LRRIQ1: variants seen among roughly 807,000 people sequenced by gnomAD.
The protein encoded by LRRIQ1 is leucine rich repeats and IQ motif containing 1, also known as leucine-rich repeat- and IQ domain-containing protein 1.
LRRIQ1 carries 210 observed loss-of-function variants against 211.9 expected under a neutral mutation model. The ratio of observed to expected loss-of-function variants is 0.99; its 90% confidence interval spans 0.89 to 1.11. LRRIQ1 has a LOEUF of 1.11. LRRIQ1 is among the 50% of genes most tolerant of loss of function. LRRIQ1 has a pLI of 0.00. For synonymous variants in LRRIQ1, 699 were observed against 650.1 expected (o/e 1.08, Z -1.14); for missense variants, 2,136 against 1,939.5 (o/e 1.10, Z -1.90).
intron 10 of LRRIQ1, among the ~76,000 whole-genome samples, 176 bp from the exon 11 acceptor site, chr12:85,072,731 G>C (rs943818992): frequency 6.6e-6 from 1 of 150,472 alleles, no homozygotes; most frequent in East Asian, 2.0e-4. Context: ...TGCCTACCTG[G>C]CCATCTTTTT....
intron 18 of LRRIQ1, among the ~76,000 whole-genome samples, 160 bp from the exon 19 acceptor site, chr12:85,137,686 AATTT>A (rs544729553): frequency 2.2e-3 from 330 of 151,680 alleles, no homozygotes; most frequent in African/African-American, 7.5e-3. Flanking sequence ...GTCGTCGTTT[AATTT>A]ATCTTTCAGT....
intron 24 of LRRIQ1, among the ~76,000 whole-genome samples, chr12:85,199,396 T>A (rs1893180647): frequency 6.6e-6 from 1 of 151,678 alleles, no homozygotes; most frequent in Non-Finnish European, 1.5e-5. Context: ...TTTTGTTGAC[T>A]TTGTAGAGGT....
intron 26 of LRRIQ1, among the ~76,000 whole-genome samples, chr12:85,233,276 A>G (rs1396157530): frequency 2.0e-5 from 3 of 152,052 alleles, no homozygotes; most frequent in East Asian, 3.8e-4. Context: ...GCTAAAGTCA[A>G]TTGCACTATA....
Position 85,250,910 on chromosome 12 carries a change from AATATATTTTATATATTATATATT to A in LRRIQ1, c.121+6008_121+6030del, listed in dbSNP as rs1202063203. Among the ~76,000 whole-genome samples, 112 of 78,256 alleles carry A rather than the reference AATATATTTTATATATTATATATT, an allele frequency of 1.4e-3. 1 individual carries two copies. The highest frequency in any genetic ancestry group is 2.0e-3 in the Non-Finnish European group (100 of 48,972). The allele number at this position is 78,256 out of a possible 152,430, so 51.3% of individuals were successfully genotyped here. On this transcript the variant is annotated intron_variant, in intron 1 of 1. Coordinates refer to the LRRIQ1 transcript ENST00000602731. Reference sequence around the variant, plus strand: ...ATAATATATTTTATATATTATATATAATATATTTTATATATTATATATTATATATAATATATTTTATATATTAT... The same window carrying A: ...ATAATATATTTTATATATTATATATAATATATAATATATTTTATATATTAT...
At chr12:85,257,844 T>C (rs1896165015) in intron 1 of LRRIQ1, among the ~76,000 whole-genome samples, 1 of 151,844 alleles carries the variant, frequency 6.6e-6, no homozygotes. Context: ...GACTTTTTTT[T>C]TAGCACCACA....
In LRRIQ1 at chr12:85,262,901, AT is replaced by A. The variant is rs1473026803; in HGVS notation, c.122-13del. On this transcript the variant is annotated splice_polypyrimidine_tract_variant and intron_variant, in intron 1 of 1. Transcript: ENST00000602731. ...CATATTCAGTGAAAGTGTATATTTA[AT>A]ATCACTGTCTAGGTTGTTCAGTTAA... 8 of 966,594 alleles carry A rather than the reference AT, an allele frequency of 8.3e-6. No homozygotes were observed. The African/African-American group carries it at 1.4e-4, about 17-fold the overall frequency. 59.9% of individuals were successfully genotyped at this position (966,594 alleles called of 1,614,324 possible). A position where few individuals can be genotyped will look rare whatever the true frequency, so the allele number is the denominator to read the frequency against.
intron 15 of LRRIQ1, among the ~76,000 whole-genome samples, chr12:85,117,596 G>T (rs1195239351): frequency 2.6e-5 from 4 of 152,054 alleles, no homozygotes; most frequent in Non-Finnish European, 2.9e-5. Flanking sequence ...ACAAAAATCT[G>T]CTTGGCATCC....
At chr12:85,126,035 T>G (rs1421139035) in intron 17 of LRRIQ1, among the ~76,000 whole-genome samples, 3 of 152,166 alleles carry the variant, frequency 2.0e-5, no homozygotes, top group Admixed American at 2.0e-4. Context: ...TAAAGACACT[T>G]TTGACATTAT....
chr12:85,043,416 C>T (rs897190946), intron 3 of LRRIQ1, among the ~76,000 whole-genome samples: 1 of 152,056 alleles, frequency 6.6e-6, no homozygotes, highest in Non-Finnish European at 1.5e-5. Flanking sequence ...TAGCCTCTCT[C>T]TGTGGCTTTC....
chr12:85,131,377 G>A (rs574693955), intron 18 of LRRIQ1, among the ~76,000 whole-genome samples: 1 of 152,046 alleles, frequency 6.6e-6, no homozygotes, highest in East Asian at 1.9e-4. Flanking sequence ...CCACTGGCTT[G>A]TTTACTCTCA....
Position 85,055,820 on chromosome 12 carries a change from C to G in LRRIQ1, c.1027C>G (p.Gln343Glu), listed in dbSNP as rs1880959156. The change falls in exon 8 of 27, where the codon CAA (glutamine) becomes GAA (glutamate). Residue 343 changes from glutamine to glutamate, a missense_variant. Transcript: ENST00000393217. ...AAATCGAAAAAGATTAGAGGAGGAA[C>G]AAAGGATAAAAGAAGAGAGAAAAAA... ...EENRKRLEEE[Q>E]RIKEERKKQK... 6.4e-7 allele frequency: 1 copy of G among 1,557,290 alleles called. No homozygotes were observed. The highest frequency in any genetic ancestry group is 8.7e-7 in the Non-Finnish European group (1 of 1,151,336).
At chr12:85,192,584 A>C in intron 24 of LRRIQ1, among the ~76,000 whole-genome samples, 3 of 113,248 alleles carry the variant, frequency 2.6e-5, no homozygotes, top group African/African-American at 1.1e-4. Context: ...ATATATAGTT[A>C]TATACTATAA....
chr12:85,157,481 A>ATTTG (rs144030593), intron 23 of LRRIQ1, among the ~76,000 whole-genome samples: 1,757 of 151,814 alleles, frequency 0.012, 39 homozygotes, highest in African/African-American at 0.041. Context: ...TCTGGGTTTT[A>ATTTG]TTTGTTTGTT....
At chr12:85,138,037 A>G (rs1318642303) in intron 19 of LRRIQ1, 68 bp downstream of exon 19, 4 of 977,620 alleles carry the variant, frequency 4.1e-6, no homozygotes, top group Admixed American at 5.3e-5. Flanking sequence ...TTGAAGATAA[A>G]CCAGTTTCTA....
chr12:85,207,598 A>C (rs551545101), intron 24 of LRRIQ1, among the ~76,000 whole-genome samples: 1 of 152,168 alleles, frequency 6.6e-6, no homozygotes, highest in Non-Finnish European at 1.5e-5. Context: ...GTTATCACCA[A>C]ACCCAAGAAC....
intron 12 of LRRIQ1, 90 bp from the exon 13 acceptor site, chr12:85,098,777 G>A: frequency 3.2e-6 from 3 of 950,278 alleles, no homozygotes; most frequent in Non-Finnish European, 4.5e-6. Context: ...TCTATCTGTT[G>A]TTAGTTTTGG....
intron 26 of LRRIQ1, among the ~76,000 whole-genome samples, chr12:85,236,722 A>G (rs1593009324): frequency 6.6e-6 from 1 of 150,972 alleles, no homozygotes; most frequent in East Asian, 1.9e-4. Flanking sequence ...AAAAAAAGAT[A>G]CATATTTTTG....
At chr12:85,227,752 C>G (rs1380121238) in intron 24 of LRRIQ1, among the ~76,000 whole-genome samples, 1 of 152,086 alleles carries the variant, frequency 6.6e-6, no homozygotes, top group Non-Finnish European at 1.5e-5. Flanking sequence ...GGAGGCATCA[C>G]GCTACCTGAC....
chr12:85,222,717 A>G (rs946243146), intron 24 of LRRIQ1, among the ~76,000 whole-genome samples: 8 of 152,280 alleles, frequency 5.3e-5, no homozygotes, highest in African/African-American at 1.9e-4. Context: ...CTGAAAATAT[A>G]GAAGAAAAGG....
Sources: allele counts gnomAD v4.1 joint callset (sites outside exome capture counted in the v4.1 genomes callset), GRCh38; gene constraint gnomAD v4.1.1; transcripts MANE v1.5; gene names NCBI Gene and HGNC (gene_info 2026-07-23, HGNC 2026-07-21).